The following CMSS1 variants were observed in gnomAD, a reference collection of about 807,000 sequenced individuals.
The protein encoded by CMSS1 is cms1 ribosomal small subunit homolog.
A neutral mutation model predicts 43.5 loss-of-function variants in CMSS1; 33 were observed. That is an observed-to-expected ratio of 0.76 (90% CI 0.57 to 1.01). The LOEUF is 1.01. Ranked by LOEUF, CMSS1 falls within the 50% of genes least tolerant of loss-of-function variation. The probability of loss-of-function intolerance (pLI) is 0.00; values close to 1 mark genes in which losing one functional copy is unlikely to be tolerated. For synonymous variants in CMSS1, 115 were observed against 117.2 expected (o/e 0.98, Z 0.12); for missense variants, 313 against 326.4 (o/e 0.96, Z 0.32).
rs149295588 is a variant in CMSS1 at position 99,892,836 on chromosome 3, C to T, written c.64+74793C>T. Reference sequence around the variant, plus strand: ...AATCAGATTTTATCCTTGATCTAAACATAGGTCAAGTTCATGTCGATCATG... The same window carrying T: ...AATCAGATTTTATCCTTGATCTAAATATAGGTCAAGTTCATGTCGATCATG... On this transcript the variant is annotated intron_variant, in intron 1 of 9. Transcript: ENST00000421999. Among the ~76,000 whole-genome samples the T allele has an allele frequency of 3.8e-3, 577 of 152,324 alleles. 3 individuals are homozygous for T. Among genetic ancestry groups the T allele is most frequent in the African/African-American group, 0.013 (549 of 41,570 alleles).
chr3:100,030,053 A>T (rs929661568), intron 1 of CMSS1, among the ~76,000 whole-genome samples: 1 of 152,186 alleles, frequency 6.6e-6, no homozygotes, highest in Non-Finnish European at 1.5e-5. Flanking sequence ...AATGAAGAAA[A>T]TCAGAACTGG....
rs75420518 is a variant in CMSS1, at chr3:100,001,316, G to A, written c.65-145657G>A. Among the ~76,000 whole-genome samples the A allele has an allele frequency of 3.4e-3, 522 of 152,188 alleles. 6 individuals carry two copies. Among genetic ancestry groups the A allele is most frequent in the African/African-American group, 0.012 (492 of 41,520 alleles). ...CTCCTTCATTTACATATTATCTATCGCTGTTTCTGTGACGCAGTGTCAGAG... is the reference window on the plus strand; with the variant it reads ...CTCCTTCATTTACATATTATCTATCACTGTTTCTGTGACGCAGTGTCAGAG... On this transcript the variant is annotated intron_variant, in intron 1 of 9. Coordinates refer to ENST00000421999, the MANE Select transcript of CMSS1 (RefSeq NM_032359.4).
At position 100,171,281 on chromosome 3, in the gene CMSS1, A is replaced by G. The variant is rs144308574; in HGVS notation, c.519-558A>G. ...GCTTCATTTCCACCTATAAAATTTT[A>G]TAGAGGAATTTAGTCTACAAAGTAG... On this transcript the variant is annotated intron_variant, in intron 6 of 9. Coordinates refer to ENST00000421999, the MANE Select transcript of CMSS1 (RefSeq NM_032359.4). Among the ~76,000 whole-genome samples the G allele has an allele frequency of 5.8e-3, 871 of 151,018 alleles. 5 individuals are homozygous for G. The highest frequency in any genetic ancestry group is 0.02 in the Middle Eastern group (6 of 294).
intron 1 of CMSS1, among the ~76,000 whole-genome samples, chr3:99,965,868 C>T (rs779371676): frequency 5.3e-5 from 8 of 152,138 alleles, no homozygotes; most frequent in Non-Finnish European, 1.0e-4. Context: ...ACTGGCCATG[C>T]AGTCATGTTG....
At chr3:100,067,488 G>T (rs2065686882) in intron 1 of CMSS1, among the ~76,000 whole-genome samples, 1 of 152,158 alleles carries the variant, frequency 6.6e-6, no homozygotes, top group Admixed American at 6.5e-5. Context: ...TGAGGATAGT[G>T]AGTGTTTTTC....
chr3:99,974,599 C>A (rs1353788298), intron 1 of CMSS1, among the ~76,000 whole-genome samples: 1 of 151,892 alleles, frequency 6.6e-6, no homozygotes, highest in Non-Finnish European at 1.5e-5. Context: ...CCCAGCTACT[C>A]GGGAGGCTGA....
intron 1 of CMSS1, among the ~76,000 whole-genome samples, chr3:99,854,892 A>G (rs769131812): frequency 9.2e-5 from 14 of 152,098 alleles, no homozygotes; most frequent in African/African-American, 2.4e-4. Flanking sequence ...TTCTTTACCA[A>G]TGCTTCTCAC....
chr3:100,079,165 A>G (rs2065895722), intron 1 of CMSS1, among the ~76,000 whole-genome samples: 1 of 152,208 alleles, frequency 6.6e-6, no homozygotes, highest in Non-Finnish European at 1.5e-5. Context: ...TACAGTCTTT[A>G]CAGCATGGTG....
chr3:99,854,747 T>C (rs1019292325), intron 1 of CMSS1, among the ~76,000 whole-genome samples: 3 of 152,206 alleles, frequency 2.0e-5, no homozygotes, highest in East Asian at 3.8e-4. Flanking sequence ...GTGGCATGTG[T>C]GTATGTCAGT....
intron 1 of CMSS1, among the ~76,000 whole-genome samples, chr3:99,938,081 G>A (rs1022774997): frequency 4.1e-4 from 63 of 152,120 alleles, no homozygotes; most frequent in African/African-American, 1.3e-3. Flanking sequence ...GTGTGCGCGC[G>A]CGCGCGCGCG....
At chr3:99,975,455 G>A (rs955222760) in intron 1 of CMSS1, among the ~76,000 whole-genome samples, 1 of 152,064 alleles carries the variant, frequency 6.6e-6, no homozygotes, top group African/African-American at 2.4e-5. Flanking sequence ...AGCTGAGTAT[G>A]GTGGCGGGCG....
chr3:99,974,336 T>G (rs1276626244), intron 1 of CMSS1, among the ~76,000 whole-genome samples: 2 of 152,234 alleles, frequency 1.3e-5, no homozygotes, highest in Non-Finnish European at 2.9e-5. Context: ...AGGATTTTTC[T>G]TTGTAAGTTT....
At chr3:100,027,405 C>CA (rs1274585115) in intron 1 of CMSS1, among the ~76,000 whole-genome samples, 1 of 152,120 alleles carries the variant, frequency 6.6e-6, no homozygotes, top group African/African-American at 2.4e-5. Flanking sequence ...TAAAACTCTT[C>CA]AATAGGCCAA....
Position 100,086,260 on chromosome 3 carries a change from C to G in CMSS1, c.65-60713C>G, listed in dbSNP as rs145284852. On this transcript the variant is annotated intron_variant, in intron 1 of 9. Transcript: ENST00000421999. Reference sequence around the variant, plus strand: ...ACCTATTGAGCTGATTAGAAAACAACTAGAAGTCATTCAGTACCACAGAAG... The same window carrying G: ...ACCTATTGAGCTGATTAGAAAACAAGTAGAAGTCATTCAGTACCACAGAAG... 8.3e-4 allele frequency among the ~76,000 whole-genome samples: 127 copies of G among 152,256 alleles called. 4 individuals are homozygous for G. The East Asian group carries it at 0.016, about 19-fold the overall frequency.
rs560625877 is a variant in CMSS1 at position 99,862,349 on chromosome 3, T to C, written c.64+44306T>C. On this transcript the variant is annotated intron_variant, in intron 1 of 9. Coordinates refer to ENST00000421999, the MANE Select transcript of CMSS1 (RefSeq NM_032359.4). ...AAGTAGGGGTCAGCTGGGGGAAGAA[T>C]AGCACAAATCACATTGGAATGAAAG... Among the ~76,000 whole-genome samples, 9 of 152,258 alleles carry C rather than the reference T, an allele frequency of 5.9e-5. No homozygotes were observed. The East Asian group carries it at 9.6e-4, about 16-fold the overall frequency.
At chr3:100,070,171 G>A (rs1302788146) in intron 1 of CMSS1, among the ~76,000 whole-genome samples, 2 of 152,144 alleles carry the variant, frequency 1.3e-5, no homozygotes, top group Non-Finnish European at 2.9e-5. Flanking sequence ...TACAGCCAGA[G>A]CATGATTCTG....
At chr3:99,962,958 A>G (rs917661105) in intron 1 of CMSS1, among the ~76,000 whole-genome samples, 5 of 152,224 alleles carry the variant, frequency 3.3e-5, no homozygotes, top group African/African-American at 1.2e-4. Context: ...CATATTTCAC[A>G]TGTTACTCAC....
intron 1 of CMSS1, among the ~76,000 whole-genome samples, chr3:99,949,506 A>G (rs1470948288): frequency 6.6e-6 from 1 of 152,176 alleles, no homozygotes; most frequent in South Asian, 2.1e-4. Flanking sequence ...TCAACAGGCA[A>G]TTTTACTCGC....
intron 1 of CMSS1, chr3:99,876,327 G>A (rs569773978): frequency 1.6e-5 from 8 of 492,534 alleles, no homozygotes; most frequent in African/African-American, 1.5e-4. Context: ...AGCTCCCGCG[G>A]ATGTTCCGGC....
Sources: allele counts gnomAD v4.1 joint callset (sites outside exome capture counted in the v4.1 genomes callset), GRCh38; gene constraint gnomAD v4.1.1; transcripts MANE v1.5; gene names NCBI Gene and HGNC (gene_info 2026-07-23, HGNC 2026-07-21).